KIF3B: variants seen among roughly 807,000 people sequenced by gnomAD.
KIF3B encodes the protein kinesin family member 3B, also known as kinesin-like protein KIF3B.
Under a neutral mutation model 74.3 loss-of-function variants are expected in KIF3B, and 38 were observed. The observed-to-expected ratio is 0.51, with a 90% CI of 0.39 to 0.67. The LOEUF (loss-of-function observed/expected upper bound fraction) is 0.67. Among genes scored for constraint, KIF3B ranks in the 30% least tolerant of loss-of-function variants. The probability of loss-of-function intolerance (pLI) is 0.00; values close to 1 mark genes in which losing one functional copy is unlikely to be tolerated. For missense variants in KIF3B, 649 were observed against 932.0 expected (o/e 0.70, Z 3.95); for synonymous variants, 326 against 342.5 (o/e 0.95, Z 0.53).
At chr20:32,306,785 G>C (rs1222396123) in intron 1 of KIF3B, among the ~76,000 whole-genome samples, 1 of 151,714 alleles carries the variant, frequency 6.6e-6, no homozygotes, top group Non-Finnish European at 1.5e-5. Context: ...AGTAAAGACG[G>C]GGTTTCACCA....
intron 1 of KIF3B, among the ~76,000 whole-genome samples, chr20:32,281,980 C>T (rs535321592): frequency 2.0e-5 from 3 of 152,194 alleles, no homozygotes; most frequent in African/African-American, 7.2e-5. Context: ...AGGGAGCGCT[C>T]AGATCATACA....
At chr20:32,286,867 G>A (rs1672609007) in intron 1 of KIF3B, among the ~76,000 whole-genome samples, 1 of 152,176 alleles carries the variant, frequency 6.6e-6, no homozygotes, top group Non-Finnish European at 1.5e-5. Flanking sequence ...TGTCTGCACT[G>A]CTGATGATTT....
chr20:32,298,685 C>T (rs374010497), intron 1 of KIF3B, among the ~76,000 whole-genome samples: 23 of 152,026 alleles, frequency 1.5e-4, no homozygotes, highest in African/African-American at 5.6e-4. Flanking sequence ...CCTCTCTTCC[C>T]CTTCCCTTCT....
chr20:32,327,268 G>A (rs1412629153), intron 6 of KIF3B, among the ~76,000 whole-genome samples: 2 of 152,132 alleles, frequency 1.3e-5, no homozygotes, highest in African/African-American at 4.8e-5. Flanking sequence ...GGGTGCTGCT[G>A]GAAAGATGGG....
At chr20:32,325,957 G>GT (rs1338088438) in intron 5 of KIF3B, among the ~76,000 whole-genome samples, 1 of 152,080 alleles carries the variant, frequency 6.6e-6, no homozygotes, top group Admixed American at 6.6e-5. Flanking sequence ...ATGAGCCACC[G>GT]TGCCTGGCCT....
intron 5 of KIF3B, among the ~76,000 whole-genome samples, chr20:32,326,319 TG>T (rs1447416293): frequency 1.3e-5 from 2 of 152,186 alleles, no homozygotes; most frequent in Non-Finnish European, 2.9e-5. Context: ...CAACGAGCCA[TG>T]GGATTGGAGT....
chr20:32,281,257 G>A (rs549863665), intron 1 of KIF3B, among the ~76,000 whole-genome samples: 15 of 152,190 alleles, frequency 9.9e-5, no homozygotes, highest in Admixed American at 4.6e-4. Context: ...GAATCTGAAT[G>A]GAAGCCAAGA....
In KIF3B at chr20:32,332,302, G is replaced by A. The variant is rs1455711470; in HGVS notation, c.*983G>A. The stretch of plus-strand genomic sequence containing the variant: ...GTATTGTGGCACTTCTGAATTCCCC[G>A]TTTTGTTCCATATTGGTATAGAGAG... On this transcript the variant is annotated 3_prime_UTR_variant, in exon 9 of 9. Transcript: ENST00000375712. The A allele has an allele frequency of 4.6e-5, 7 of 152,440 alleles. No homozygotes were observed. The highest frequency in any genetic ancestry group is 2.1e-4 in the South Asian group (1 of 4,820). The allele number at this position is 152,440 out of a possible 1,614,324, so 9.4% of individuals were successfully genotyped here. A position where few individuals can be genotyped will look rare whatever the true frequency, so the allele number is the denominator to read the frequency against.
intron 1 of KIF3B, among the ~76,000 whole-genome samples, chr20:32,278,030 T>C (rs1281664669): frequency 6.6e-6 from 1 of 151,976 alleles, no homozygotes; most frequent in Non-Finnish European, 1.5e-5. Context: ...AGGGCCCCAG[T>C]TTGGGAGGAG....
chr20:32,279,048 C>G (rs868576413), intron 1 of KIF3B, among the ~76,000 whole-genome samples: 2 of 151,402 alleles, frequency 1.3e-5, no homozygotes, highest in Non-Finnish European at 1.5e-5. Context: ...CTCAGCCTCC[C>G]GAGTAGCTGG....
At chr20:32,309,608 G>T in intron 1 of KIF3B, 105 bp from the exon 2 acceptor site, 1 of 669,302 alleles carries the variant, frequency 1.5e-6, no homozygotes, top group South Asian at 2.1e-5. Context: ...TATCAGATAT[G>T]GCTGTCAGGT....
At chr20:32,301,936 A>G (rs1443518956) in intron 1 of KIF3B, among the ~76,000 whole-genome samples, 3 of 152,240 alleles carry the variant, frequency 2.0e-5, no homozygotes, top group Non-Finnish European at 2.9e-5. Flanking sequence ...CTCAGCAGAT[A>G]AAAGAGTTGA....
chr20:32,299,398 TA>T lies in KIF3B; in HGVS notation c.-65-10314del, dbSNP rs1358965062. Among the ~76,000 whole-genome samples the T allele has an allele frequency of 6.5e-4, 46 of 71,312 alleles. 1 individual carries two copies. The highest frequency in any genetic ancestry group is 3.2e-3 in the Admixed American group (16 of 5,024). 46.8% of individuals were successfully genotyped at this position (71,312 alleles called of 152,430 possible). On this transcript the variant is annotated intron_variant, in intron 1 of 8. Coordinates refer to ENST00000375712, the MANE Select transcript of KIF3B (RefSeq NM_004798.4). ...GTGTGTGTATATATATATATATATA[TA>T]TATATTTTTTTTTTTTTTTTTTTTT...
At chr20:32,280,819 C>G (rs779515762) in intron 1 of KIF3B, among the ~76,000 whole-genome samples, 3 of 152,006 alleles carry the variant, frequency 2.0e-5, no homozygotes, top group Non-Finnish European at 4.4e-5. Context: ...TGCTAAATCC[C>G]CTTATGCTAG....
intron 5 of KIF3B, among the ~76,000 whole-genome samples, chr20:32,321,159 G>A (rs1189600232): frequency 2.6e-5 from 4 of 152,114 alleles, no homozygotes; most frequent in Non-Finnish European, 5.9e-5. Flanking sequence ...GCCGGGCGCT[G>A]TGGCTCATGC....
At chr20:32,309,383 T>C (rs2047788422) in intron 1 of KIF3B, among the ~76,000 whole-genome samples, 1 of 151,526 alleles carries the variant, frequency 6.6e-6, no homozygotes, top group Non-Finnish European at 1.5e-5. Flanking sequence ...CCCAAGCTGG[T>C]CTCAAACTCC....
intron 1 of KIF3B, among the ~76,000 whole-genome samples, chr20:32,306,207 ACATGGTG>A (rs2047770240): frequency 1.3e-5 from 2 of 151,836 alleles, no homozygotes; most frequent in Non-Finnish European, 2.9e-5. Flanking sequence ...ATCCTGGCCA[ACATGGTG>A]AAACCCCATC....
chr20:32,324,975 G>A (rs558085028), intron 5 of KIF3B, among the ~76,000 whole-genome samples: 1 of 152,186 alleles, frequency 6.6e-6, no homozygotes, highest in Admixed American at 6.5e-5. Flanking sequence ...AGGTTGCAGT[G>A]GGCTGAGATT....
intron 6 of KIF3B, 84 bp from the exon 7 acceptor site, chr20:32,327,472 C>T (rs573813997): frequency 6.4e-5 from 70 of 1,091,854 alleles, no homozygotes; most frequent in African/African-American, 6.1e-4. Context: ...CAGGGAGTTA[C>T]TTGCTTCAGG....
Sources: gnomAD v4.1 joint callset for allele counts (sites outside exome capture counted in the v4.1 genomes callset) on GRCh38, gnomAD v4.1.1 for gene constraint, MANE v1.5 for transcripts, NCBI Gene and HGNC (gene_info 2026-07-23, HGNC 2026-07-21) for gene names.